GALNTL6: variants seen among roughly 807,000 people sequenced by gnomAD.
GALNTL6 encodes polypeptide N-acetylgalactosaminyltransferase-like 6.
A neutral mutation model predicts 73.7 loss-of-function variants in GALNTL6; 46 were observed. That is an observed-to-expected ratio of 0.62 (90% CI 0.49 to 0.80). The LOEUF (loss-of-function observed/expected upper bound fraction) is 0.80. Ranked by LOEUF, GALNTL6 falls within the 30% of genes least tolerant of loss-of-function variation. The pLI, the probability that GALNTL6 is intolerant of heterozygous loss-of-function variation, is 0.00. For synonymous variants in GALNTL6, 259 were observed against 263.7 expected, an observed-to-expected ratio of 0.98 and a Z score of 0.17; for missense variants, 604 against 755.0, an observed-to-expected ratio of 0.80 and a Z score of 2.34.
intron 3 of GALNTL6, among the ~76,000 whole-genome samples, chr4:172,293,739 A>G (rs1739554721): frequency 6.6e-6 from 1 of 151,590 alleles, no homozygotes; most frequent in Non-Finnish European, 1.5e-5. Flanking sequence ...TATTATAAAT[A>G]TATTACTATA....
chr4:172,721,999 T>C (rs28455880), intron 5 of GALNTL6, among the ~76,000 whole-genome samples: 47,902 of 148,918 alleles, frequency 0.32, 8,118 homozygotes, highest in Middle Eastern at 0.45. Context: ...TTTTTTTTTT[T>C]CCCAAAATCG....
At chr4:173,020,346 A>C (rs540169191) in intron 11 of GALNTL6, among the ~76,000 whole-genome samples, 2 of 152,304 alleles carry the variant, frequency 1.3e-5, no homozygotes, top group South Asian at 4.2e-4. Context: ...ATATGATAGA[A>C]TGGGATAATA....
At chr4:172,362,474 C>T (rs935711273) in intron 5 of GALNTL6, among the ~76,000 whole-genome samples, 1 of 152,096 alleles carries the variant, frequency 6.6e-6, no homozygotes, top group African/African-American at 2.4e-5. Context: ...GCATGCTTTT[C>T]TCATCGTTTC....
At chr4:172,227,028 A>G (rs836328) in intron 2 of GALNTL6, among the ~76,000 whole-genome samples, 1,588 of 152,214 alleles carry the variant, frequency 0.01, 16 homozygotes, top group Middle Eastern at 0.041. Context: ...TCTCTTAATT[A>G]TACGTTAAAG....
chr4:173,001,847 C>A (rs1320886892), intron 10 of GALNTL6, among the ~76,000 whole-genome samples: 2 of 152,044 alleles, frequency 1.3e-5, no homozygotes, highest in Non-Finnish European at 2.9e-5. Flanking sequence ...ATGGCTATTA[C>A]ATAAACCAAA....
intron 2 of GALNTL6, among the ~76,000 whole-genome samples, chr4:172,025,756 C>T (rs56013157): frequency 0.026 from 3,988 of 151,742 alleles, 81 homozygotes; most frequent in East Asian, 0.081. Flanking sequence ...TGCAGAATCA[C>T]GACAGTACTA....
intron 5 of GALNTL6, among the ~76,000 whole-genome samples, chr4:172,683,648 C>T (rs915554773): frequency 2.6e-5 from 4 of 152,088 alleles, no homozygotes; most frequent in Admixed American, 6.6e-5. Context: ...TTACAGCTAA[C>T]GATATTGCAG....
intron 2 of GALNTL6, among the ~76,000 whole-genome samples, chr4:171,904,482 T>G (rs563020442): frequency 1.0e-3 from 156 of 152,096 alleles, no homozygotes; most frequent in Non-Finnish European, 1.6e-3. Context: ...CTCCAAGAAA[T>G]ATGGGACTAT....
intron 8 of GALNTL6, among the ~76,000 whole-genome samples, chr4:172,905,579 T>C (rs1038446239): frequency 6.6e-6 from 1 of 152,016 alleles, no homozygotes; most frequent in African/African-American, 2.4e-5. Context: ...TACACTAGAA[T>C]GTAACCTCAT....
At chr4:172,078,171 C>G (rs1247282194) in intron 2 of GALNTL6, among the ~76,000 whole-genome samples, 1 of 152,174 alleles carries the variant, frequency 6.6e-6, no homozygotes, top group East Asian at 1.9e-4. Context: ...TGGAGAACCT[C>G]TACTAGGGCA....
chr4:172,996,918 T>C (rs1052432906), intron 10 of GALNTL6, among the ~76,000 whole-genome samples: 1 of 152,204 alleles, frequency 6.6e-6, no homozygotes, highest in Non-Finnish European at 1.5e-5. Context: ...CTCCTATTGC[T>C]ACTCCATGGT....
At chr4:172,688,397 G>A (rs141722160) in intron 5 of GALNTL6, among the ~76,000 whole-genome samples, 12 of 152,324 alleles carry the variant, frequency 7.9e-5, no homozygotes, top group Admixed American at 4.6e-4. Context: ...GGTGATGTGC[G>A]TAGCAAGTGG....
intron 5 of GALNTL6, among the ~76,000 whole-genome samples, chr4:172,594,420 A>C (rs1737770165): frequency 6.6e-6 from 1 of 152,180 alleles, no homozygotes; most frequent in East Asian, 1.9e-4. Context: ...CATTTATTTG[A>C]ACTCTTATGT....
At chr4:171,890,836 C>A (rs559891492) in intron 2 of GALNTL6, among the ~76,000 whole-genome samples, 2 of 152,082 alleles carry the variant, frequency 1.3e-5, no homozygotes, top group Non-Finnish European at 2.9e-5. Context: ...AGGTCCCATA[C>A]AATATCAAGT....
intron 2 of GALNTL6, among the ~76,000 whole-genome samples, chr4:171,915,701 A>G (rs1737597476): frequency 6.6e-6 from 1 of 152,160 alleles, no homozygotes; most frequent in Non-Finnish European, 1.5e-5. Context: ...TACATGTAGT[A>G]TTTCATTTTT....
At chr4:171,836,950 G>A (rs559080647) in intron 2 of GALNTL6, among the ~76,000 whole-genome samples, 62 of 152,218 alleles carry the variant, frequency 4.1e-4, no homozygotes, top group African/African-American at 1.5e-3. Flanking sequence ...TTCATGTTTT[G>A]TAATACAAAT....
At chr4:171,926,584 A>G (rs1279966916) in intron 2 of GALNTL6, among the ~76,000 whole-genome samples, 2 of 152,162 alleles carry the variant, frequency 1.3e-5, no homozygotes, top group Non-Finnish European at 2.9e-5. Flanking sequence ...AATATAAATG[A>G]GTTCCCATTT....
intron 10 of GALNTL6, among the ~76,000 whole-genome samples, chr4:172,999,251 C>G (rs1561078157): frequency 1.3e-5 from 2 of 152,278 alleles, no homozygotes; most frequent in East Asian, 1.9e-4. Context: ...TGCTGCTTAT[C>G]TCTGAGGGCC....
At chr4:172,222,232 C>CCA (rs1271060950) in intron 2 of GALNTL6, among the ~76,000 whole-genome samples, 1 of 151,806 alleles carries the variant, frequency 6.6e-6, no homozygotes, top group Non-Finnish European at 1.5e-5. Flanking sequence ...TTTAATCTTC[C>CCA]CACTGACCAA....
Sources: allele counts gnomAD v4.1 joint callset (sites outside exome capture counted in the v4.1 genomes callset), GRCh38; gene constraint gnomAD v4.1.1; transcripts MANE v1.5; gene names NCBI Gene and HGNC (gene_info 2026-07-23, HGNC 2026-07-21).